The following TEF variants were observed in gnomAD, a reference collection of about 807,000 sequenced individuals.
The protein encoded by TEF is TEF transcription factor, PAR bZIP family member.
A neutral mutation model predicts 20.8 loss-of-function variants in TEF; 3 were observed. That is an observed-to-expected ratio of 0.14 (90% CI 0.07 to 0.37). TEF has a LOEUF of 0.37. Among genes scored for constraint, TEF ranks in the 10% least tolerant of loss-of-function variants. The probability of loss-of-function intolerance (pLI) is 1.00; values close to 1 mark genes in which losing one functional copy is unlikely to be tolerated. For missense variants in TEF, 296 were observed against 397.9 expected (o/e 0.74, Z 2.18); for synonymous variants, 180 against 171.1 (o/e 1.05, Z -0.41).
chr22:41,379,758 T>C (rs1441754336), upstream of TEF, among the ~76,000 whole-genome samples: 1 of 151,142 alleles, frequency 6.6e-6, no homozygotes, highest in Non-Finnish European at 1.5e-5. Flanking sequence ...CCGGGCGTGG[T>C]GACGCATGCC....
chr22:41,380,558 C>T (rs1449165237), upstream of TEF, among the ~76,000 whole-genome samples: 1 of 152,206 alleles, frequency 6.6e-6, no homozygotes, highest in South Asian at 2.1e-4. Flanking sequence ...ATACCACCCC[C>T]CCAACCCCTC....
chr22:41,380,986 A>G (rs1478652626), upstream of TEF, among the ~76,000 whole-genome samples: 1 of 152,238 alleles, frequency 6.6e-6, no homozygotes, highest in Non-Finnish European at 1.5e-5. Flanking sequence ...GCTCCAGTGA[A>G]GCAACCGGAC....
intron 2 of TEF, among the ~76,000 whole-genome samples, chr22:41,389,275 C>G (rs1018512210): frequency 6.6e-5 from 10 of 151,970 alleles, no homozygotes; most frequent in African/African-American, 1.9e-4. Context: ...GTGGCGGGTG[C>G]CTATAGTGCC....
chr22:41,391,426 A>G (rs2145988608), intron 2 of TEF, among the ~76,000 whole-genome samples: 1 of 151,604 alleles, frequency 6.6e-6, no homozygotes, highest in East Asian at 1.9e-4. Context: ...CCCGGGTTCA[A>G]GCGAGTCTCC....
rs191916705 is a variant in TEF, at chr22:41,382,556, C to T, written c.157+355C>T. 1.1e-4 allele frequency among the ~76,000 whole-genome samples: 17 copies of T among 152,286 alleles called. 1 individual carries two copies. The highest frequency in any genetic ancestry group is 1.0e-3 in the Admixed American group (16 of 15,296). ...TGCTGGTTCCTGCGCCCCACCCAAT[C>T]TGCGGTCACTGGGACAGGGGTCTTG... On this transcript the variant is annotated intron_variant, in intron 1 of 3. Transcript: ENST00000266304.
At position 41,387,802 on chromosome 22, in the gene TEF, G is replaced by A. The variant is rs2037116080; in HGVS notation, c.475+134G>A. On this transcript the variant is annotated intron_variant, in intron 2 of 3. Coordinates refer to ENST00000266304, the MANE Select transcript of TEF (RefSeq NM_003216.4). ...GGTCCTGGTGGGGCTGCAGTGTGGA[G>A]AAACTCTTCACTCCCCACCCTTCCA... The A allele has an allele frequency of 4.4e-5, 40 of 904,486 alleles. No homozygotes were observed. The South Asian group carries it at 6.8e-4, about 15-fold the overall frequency. 56.0% of individuals were successfully genotyped at this position (904,486 alleles called of 1,614,324 possible). A position where few individuals can be genotyped will look rare whatever the true frequency, so the allele number is the denominator to read the frequency against.
At chr22:41,390,495 CTTTTTTTTTTTT>C (rs11358311) in intron 2 of TEF, among the ~76,000 whole-genome samples, 5 of 80,318 alleles carry the variant, frequency 6.2e-5, no homozygotes, top group East Asian at 9.0e-4. Flanking sequence ...TCATTGTCAT[CTTTTTTTTTTTT>C]TTTTTTTTTT....
At chr22:41,386,754 A>G (rs1264385682) in intron 1 of TEF, among the ~76,000 whole-genome samples, 2 of 151,742 alleles carry the variant, frequency 1.3e-5, no homozygotes, top group Non-Finnish European at 2.9e-5. Context: ...AAATAAATAA[A>G]TAAAATAAAA....
At chr22:41,389,456 C>T (rs1021097767) in intron 2 of TEF, among the ~76,000 whole-genome samples, 19 of 151,020 alleles carry the variant, frequency 1.3e-4, no homozygotes, top group Non-Finnish European at 1.3e-4. Context: ...CTCGACTCTA[C>T]TAAAAATACA....
At position 41,394,205 on chromosome 22, in the gene TEF, G is replaced by T. The variant is rs1467218594; in HGVS notation, c.585G>T (p.Val195=). 3.1e-6 allele frequency: 5 copies of T among 1,614,058 alleles called. No individual in the cohort carries two copies. The highest frequency in any genetic ancestry group is 2.2e-5 in the East Asian group (1 of 44,902). Reference sequence around the variant, plus strand: ...CCGCCGACCTGGTGCTCTCCAGTGTGCCAGGCGGGGAGCTCTTCAACCCTC... The same window carrying T: ...CCGCCGACCTGGTGCTCTCCAGTGTTCCAGGCGGGGAGCTCTTCAACCCTC... The part of the protein sequence containing the change: ...PDPADLVLSS[V]PGGELFNPRK... The change falls in exon 3 of 4, where the codon GTG becomes GTT. Residue 195 remains valine (V), a synonymous_variant. Transcript: ENST00000266304.
intron 1 of TEF, among the ~76,000 whole-genome samples, chr22:41,386,728 A>G (rs1052299196): frequency 4.6e-5 from 7 of 151,588 alleles, no homozygotes; most frequent in African/African-American, 1.7e-4. Flanking sequence ...AAGCAACAAA[A>G]GTGAAACTCT....
chr22:41,378,902 T>C (rs558201437), upstream of TEF, among the ~76,000 whole-genome samples: 1 of 152,332 alleles, frequency 6.6e-6, no homozygotes, highest in Non-Finnish European at 1.5e-5. Context: ...CTGTACACAA[T>C]TAACTATTTT....
At chr22:41,379,286 C>A (rs115025258), upstream of TEF, among the ~76,000 whole-genome samples, 4,906 of 152,096 alleles carry the variant, frequency 0.032, 261 homozygotes, top group African/African-American at 0.11. Flanking sequence ...TGCAGTGAAC[C>A]GAGATCCCGC....
chr22:41,378,407 G>C (rs552168066), upstream of TEF, among the ~76,000 whole-genome samples: 2 of 138,824 alleles, frequency 1.4e-5, no homozygotes, highest in Non-Finnish European at 3.0e-5. Flanking sequence ...GTGCAGTGGC[G>C]TGATCTCGGC....
chr22:41,396,149 G>A lies in TEF; in HGVS notation c.*189G>A. ...GCGCACGTGGCGACGTCCCTGAGGG[G>A]CCAGTCTCCTCACTGGTGGGGAACG... On this transcript the variant is annotated 3_prime_UTR_variant, in exon 4 of 4. Transcript: ENST00000266304. 5.0e-6 allele frequency: 3 copies of A among 603,842 alleles called. No homozygotes were observed. The highest frequency in any genetic ancestry group is 8.7e-6 in the Non-Finnish European group (3 of 346,486). 37.4% of individuals were successfully genotyped at this position (603,842 alleles called of 1,614,324 possible).
rs1450558475 is a variant in TEF, at chr22:41,382,009, G to C, written c.-36G>C. Reference sequence around the variant, plus strand: ...TCCGGCCCATCTCGGGGGGCGGGCGGGGGAGGCGAGGTGCGCGAGCCGAGT... The same window carrying C: ...TCCGGCCCATCTCGGGGGGCGGGCGCGGGAGGCGAGGTGCGCGAGCCGAGT... On this transcript the variant is annotated 5_prime_UTR_variant, in exon 1 of 4. Transcript: ENST00000266304. 2 of 1,229,908 alleles carry C rather than the reference G, an allele frequency of 1.6e-6. No homozygotes were observed. The highest frequency in any genetic ancestry group is 8.5e-5 in the Admixed American group (2 of 23,654). The allele number at this position is 1,229,908 out of a possible 1,614,324, so 76.2% of individuals were successfully genotyped here. A position where few individuals can be genotyped will look rare whatever the true frequency, so the allele number is the denominator to read the frequency against.
rs145306769 is a variant in TEF at position 41,383,483 on chromosome 22, A to G, written c.157+1282A>G. 5.4e-4 allele frequency among the ~76,000 whole-genome samples: 82 copies of G among 152,326 alleles called. 2 individuals carry two copies. The Middle Eastern group carries it at 0.024, about 44-fold the overall frequency. ...ACCCGATATTCGTAGAGTGCTCGCA[A>G]AGCACGCTGACATCATCTTATTTCA... On this transcript the variant is annotated intron_variant, in intron 1 of 3. Transcript: ENST00000266304.
At chr22:41,369,166 G>C in intron 1 of TEF, 1 of 985,312 alleles carries the variant, frequency 1.0e-6, no homozygotes. Flanking sequence ...CTGCTCCTCA[G>C]ATGAGGATAA....
At chr22:41,391,224 A>T (rs985469457) in intron 2 of TEF, among the ~76,000 whole-genome samples, 2 of 152,158 alleles carry the variant, frequency 1.3e-5, no homozygotes, top group African/African-American at 4.8e-5. Flanking sequence ...CAGGTGTTCT[A>T]TCTCAGGATA....
Sources: allele counts gnomAD v4.1 joint callset (sites outside exome capture counted in the v4.1 genomes callset), GRCh38; gene constraint gnomAD v4.1.1; transcripts MANE v1.5; gene names NCBI Gene and HGNC (gene_info 2026-07-23, HGNC 2026-07-21).